SRD5A2: variants seen among roughly 807,000 people sequenced by gnomAD.
SRD5A2 encodes 3-oxo-5-alpha-steroid 4-dehydrogenase 2.
SRD5A2 carries 30 observed loss-of-function variants against 27.4 expected under a neutral mutation model. The observed-to-expected ratio is 1.10, with a 90% CI of 0.82 to 1.49. The LOEUF (loss-of-function observed/expected upper bound fraction) is 1.49, where lower values mean the gene tolerates loss of function less well. SRD5A2 is among the 40% of genes most tolerant of loss of function. SRD5A2 has a pLI of 0.00. For synonymous variants in SRD5A2, 141 were observed against 133.6 expected, an observed-to-expected ratio of 1.06 and a Z score of -0.38; for missense variants, 348 against 323.4, an observed-to-expected ratio of 1.08 and a Z score of -0.58.
chr2:31,650,159 G>C, the SRD5A2 span, among the ~76,000 whole-genome samples: 2 of 152,212 alleles, frequency 1.3e-5, no homozygotes, highest in Non-Finnish European at 2.9e-5. Context: ...CAGCTATAAA[G>C]AGGGAAAACA....
At chr2:31,651,433 C>G in the SRD5A2 span, 2 of 231,372 alleles carry the variant, frequency 8.6e-6, no homozygotes, top group Non-Finnish European at 2.0e-5. Flanking sequence ...GTAACAGTGG[C>G]AATGACATCA....
At chr2:31,544,923 T>C (rs1241052587) in intron 1 of SRD5A2, among the ~76,000 whole-genome samples, 2 of 151,840 alleles carry the variant, frequency 1.3e-5, no homozygotes, top group Admixed American at 1.3e-4. Flanking sequence ...TATGAACAAT[T>C]GTACCCCCCA....
upstream of SRD5A2, among the ~76,000 whole-genome samples, chr2:31,585,134 A>G (rs1667153291): frequency 6.6e-6 from 1 of 152,236 alleles, no homozygotes; most frequent in African/African-American, 2.4e-5. Context: ...GGAATCACTA[A>G]TTCCAGCAGT....
the SRD5A2 span, among the ~76,000 whole-genome samples, chr2:31,654,459 C>T: frequency 2.0e-5 from 3 of 152,090 alleles, no homozygotes; most frequent in Non-Finnish European, 4.4e-5. Flanking sequence ...TCAGCTGGTG[C>T]GTGGGTGAGT....
Position 31,524,932 on chromosome 2 carries a change from T to C in SRD5A2, c.*1264A>G. On this transcript the variant is annotated 3_prime_UTR_variant, in exon 5 of 5. Coordinates refer to ENST00000622030, the MANE Select transcript of SRD5A2 (RefSeq NM_000348.4). ...CTTACTAGCTACGTAGTTCCAGTTC[T>C]GGTGTGGAAATGTGGGCTCTGTATG... 4.5e-6 allele frequency: 1 copy of C among 224,548 alleles called. No individual in the cohort carries two copies. The highest frequency in any genetic ancestry group is 8.9e-6 in the Non-Finnish European group (1 of 112,544). The allele number at this position is 224,548 out of a possible 1,614,324, so 13.9% of individuals were successfully genotyped here.
chr2:31,623,051 A>G, the SRD5A2 span, among the ~76,000 whole-genome samples: 4 of 152,086 alleles, frequency 2.6e-5, no homozygotes, highest in East Asian at 3.9e-4. Flanking sequence ...ATTGCTCTCA[A>G]TTGGTCGTTG....
the SRD5A2 span, among the ~76,000 whole-genome samples, chr2:31,659,843 T>TA: frequency 1.3e-5 from 2 of 151,998 alleles, no homozygotes. Context: ...TAAAAAGAAA[T>TA]AAAAAATGGT....
At chr2:31,611,615 C>T in the SRD5A2 span, among the ~76,000 whole-genome samples, 3 of 152,068 alleles carry the variant, frequency 2.0e-5, no homozygotes, top group African/African-American at 7.2e-5. Context: ...CCTGAAACTG[C>T]AAATTAAAAA....
the SRD5A2 span, among the ~76,000 whole-genome samples, chr2:31,609,127 ACT>A: frequency 6.6e-6 from 1 of 151,988 alleles, no homozygotes; most frequent in Non-Finnish European, 1.5e-5. Context: ...TTGGATTTCC[ACT>A]CTCTAGAATG....
intron 4 of SRD5A2, 143 bp downstream of exon 4, chr2:31,529,164 A>G (rs959101493): frequency 1.6e-6 from 2 of 1,214,856 alleles, no homozygotes. Flanking sequence ...AGCAAGTCAG[A>G]ATATGCTAAC....
At chr2:31,622,417 G>C in the SRD5A2 span, among the ~76,000 whole-genome samples, 2 of 151,910 alleles carry the variant, frequency 1.3e-5, no homozygotes, top group African/African-American at 4.8e-5. Flanking sequence ...ATTATAAATA[G>C]TGCTTCAAAA....
chr2:31,567,294 T>C (rs1666750317), intron 1 of SRD5A2, among the ~76,000 whole-genome samples: 1 of 152,174 alleles, frequency 6.6e-6, no homozygotes, highest in Admixed American at 6.5e-5. Context: ...CCAGATGAAC[T>C]TCACAGAAAC....
the SRD5A2 span, among the ~76,000 whole-genome samples, chr2:31,641,944 A>G: frequency 6.6e-6 from 1 of 152,084 alleles, no homozygotes; most frequent in South Asian, 2.1e-4. Context: ...GAATAGCCAA[A>G]TAAGTCTGAA....
the SRD5A2 span, among the ~76,000 whole-genome samples, chr2:31,655,311 G>C: frequency 6.6e-6 from 1 of 152,146 alleles, no homozygotes; most frequent in African/African-American, 2.4e-5. Context: ...ATGTTGGCCA[G>C]GCTGATCTCG....
upstream of SRD5A2, among the ~76,000 whole-genome samples, chr2:31,582,601 C>A (rs1216299868): frequency 6.6e-6 from 1 of 152,184 alleles, no homozygotes; most frequent in Non-Finnish European, 1.5e-5. Flanking sequence ...CAGCTACAAC[C>A]TGCTTGTTGA....
intron 1 of SRD5A2, among the ~76,000 whole-genome samples, chr2:31,546,459 C>T (rs1170977955): frequency 6.6e-6 from 1 of 152,080 alleles, no homozygotes; most frequent in Non-Finnish European, 1.5e-5. Flanking sequence ...ACTATGCAGC[C>T]ATAAAAAATT....
the SRD5A2 span, among the ~76,000 whole-genome samples, chr2:31,594,966 C>G: frequency 6.6e-6 from 1 of 152,024 alleles, no homozygotes; most frequent in Non-Finnish European, 1.5e-5. Context: ...ATTTTTGAGT[C>G]AATAATGAAA....
the SRD5A2 span, among the ~76,000 whole-genome samples, chr2:31,628,562 G>A: frequency 1.3e-5 from 2 of 152,114 alleles, no homozygotes; most frequent in South Asian, 4.2e-4. Context: ...TTGCTTTATA[G>A]TGTCACTGGT....
chr2:31,527,586 C>G (rs1237537642), intron 4 of SRD5A2: 2 of 152,200 alleles, frequency 1.3e-5, no homozygotes, highest in Non-Finnish European at 2.9e-5. Flanking sequence ...CATCCCTCCC[C>G]TAACCAAGCA....
Sources: allele counts gnomAD v4.1 joint callset (sites outside exome capture counted in the v4.1 genomes callset), GRCh38; gene constraint gnomAD v4.1.1; transcripts MANE v1.5; gene names NCBI Gene and HGNC (gene_info 2026-07-23, HGNC 2026-07-21).